Variants in CAST observed in about 807,000 individuals in gnomAD.
CAST encodes MIR583 host.
Under a neutral mutation model 119.6 loss-of-function variants are expected in CAST, and 76 were observed. That is an observed-to-expected ratio of 0.64 (90% CI 0.53 to 0.77). CAST has a LOEUF of 0.77. Among genes scored for constraint, CAST ranks in the 30% least tolerant of loss-of-function variants. The pLI is 0.00. For missense variants in CAST, 953 were observed against 946.5 expected, an observed-to-expected ratio of 1.01 and a Z score of -0.09; for synonymous variants, 319 against 331.6, an observed-to-expected ratio of 0.96 and a Z score of 0.41.
At chr5:96,610,386 G>A (rs116604594) in intron 1 of CAST, among the ~76,000 whole-genome samples, 2,706 of 152,184 alleles carry the variant, frequency 0.018, 104 homozygotes, top group African/African-American at 0.062. Flanking sequence ...AATAAATGTG[G>A]TTCACCACAC....
the CAST span, among the ~76,000 whole-genome samples, chr5:96,498,984 C>T: frequency 6.7e-6 from 1 of 149,986 alleles, no homozygotes; most frequent in East Asian, 1.9e-4. Flanking sequence ...TTCCCTTCTC[C>T]TTTACAGATG....
chr5:96,309,570 G>T, the CAST span, among the ~76,000 whole-genome samples: 1 of 152,200 alleles, frequency 6.6e-6, no homozygotes, highest in African/African-American at 2.4e-5. Flanking sequence ...TGAAACCCAG[G>T]GCCCTGGTGG....
At chr5:96,746,315 T>C (rs763439279) in intron 16 of CAST, 27 bp from the exon 17 acceptor site, 11 of 1,272,500 alleles carry the variant, frequency 8.6e-6, no homozygotes. Context: ...ATCCAACTAC[T>C]TTTTTTTTCC....
chr5:96,658,040 G>A (rs1168167548), upstream of CAST, among the ~76,000 whole-genome samples: 1 of 152,016 alleles, frequency 6.6e-6, no homozygotes, highest in African/African-American at 2.4e-5. Flanking sequence ...TGGAGGTTGC[G>A]GTGAGCCGAG....
At chr5:96,003,556 A>T in the CAST span, among the ~76,000 whole-genome samples, 2 of 151,904 alleles carry the variant, frequency 1.3e-5, no homozygotes, top group Admixed American at 6.6e-5. Flanking sequence ...AAAAAAAAAA[A>T]ATCAAATTTT....
At chr5:96,749,533 T>TTTTG (rs1250368556) in intron 19 of CAST, among the ~76,000 whole-genome samples, 2 of 152,116 alleles carry the variant, frequency 1.3e-5, no homozygotes, top group African/African-American at 2.4e-5. Flanking sequence ...CTTCTGTTCT[T>TTTTG]TTTGTTTGTT....
At chr5:96,309,072 C>T in the CAST span, among the ~76,000 whole-genome samples, 1 of 151,974 alleles carries the variant, frequency 6.6e-6, no homozygotes, top group South Asian at 2.1e-4. Context: ...CCCCTTCCCC[C>T]AGATGCTTTG....
chr5:96,090,696 T>G, the CAST span, among the ~76,000 whole-genome samples: 3 of 152,166 alleles, frequency 2.0e-5, no homozygotes, highest in African/African-American at 7.2e-5. Context: ...AAGAGGGTAT[T>G]TTTAAAATAA....
chr5:96,253,328 C>T, the CAST span, among the ~76,000 whole-genome samples: 1 of 152,050 alleles, frequency 6.6e-6, no homozygotes, highest in Non-Finnish European at 1.5e-5. Flanking sequence ...TTGGCACAAA[C>T]CTGGCACATA....
the CAST span, among the ~76,000 whole-genome samples, chr5:96,419,445 C>CCATATA: frequency 6.0e-5 from 9 of 149,530 alleles, no homozygotes; most frequent in African/African-American, 2.0e-4. Context: ...CCCTCTCTCT[C>CCATATA]TCTATATATA....
At chr5:96,703,800 C>T (rs1487877170) in intron 3 of CAST, among the ~76,000 whole-genome samples, 1 of 152,184 alleles carries the variant, frequency 6.6e-6, no homozygotes, top group Non-Finnish European at 1.5e-5. Context: ...AAAACCTCTG[C>T]ATTGCAGGGA....
the CAST span, among the ~76,000 whole-genome samples, chr5:96,339,234 A>G: frequency 1.3e-5 from 2 of 152,198 alleles, no homozygotes; most frequent in Non-Finnish European, 2.9e-5. Flanking sequence ...TACCAAGAAA[A>G]TATGTGACAC....
the CAST span, among the ~76,000 whole-genome samples, chr5:96,057,404 A>C: frequency 6.6e-6 from 1 of 152,194 alleles, no homozygotes; most frequent in Non-Finnish European, 1.5e-5. Flanking sequence ...CACAAATTCT[A>C]GTCCTTTTTG....
the CAST span, among the ~76,000 whole-genome samples, chr5:95,984,926 A>G: frequency 3.9e-5 from 6 of 152,002 alleles, no homozygotes; most frequent in Admixed American, 6.6e-5. Flanking sequence ...TAATGCTTTT[A>G]TATTGATTAT....
intron 1 of CAST, among the ~76,000 whole-genome samples, chr5:96,534,830 A>G (rs1325881216): frequency 3.4e-5 from 5 of 146,172 alleles, no homozygotes; most frequent in Middle Eastern, 6.8e-3. Flanking sequence ...GAAAAGAAAG[A>G]AGGAAAGAAG....
intron 20 of CAST, among the ~76,000 whole-genome samples, chr5:96,752,048 A>T (rs1765181635): frequency 6.6e-6 from 1 of 152,170 alleles, no homozygotes; most frequent in African/African-American, 2.4e-5. Context: ...AGGTCAGAGG[A>T]CTCAAGAAAG....
intron 1 of CAST, among the ~76,000 whole-genome samples, chr5:96,594,076 T>C (rs1747012228): frequency 6.6e-6 from 1 of 152,238 alleles, no homozygotes; most frequent in Admixed American, 6.5e-5. Context: ...GTAAGCATGT[T>C]ACATGTACTA....
the CAST span, among the ~76,000 whole-genome samples, chr5:96,489,507 C>T: frequency 2.0e-5 from 3 of 152,214 alleles, no homozygotes; most frequent in Admixed American, 6.5e-5. Flanking sequence ...CACAGACTTA[C>T]ATATGCTACA....
the CAST span, among the ~76,000 whole-genome samples, chr5:96,074,124 A>G: frequency 6.6e-6 from 1 of 152,190 alleles, no homozygotes; most frequent in East Asian, 1.9e-4. Context: ...ACCATGGAAG[A>G]GCTAACTGTT....
Sources: gnomAD v4.1 joint callset for allele counts (sites outside exome capture counted in the v4.1 genomes callset) on GRCh38, gnomAD v4.1.1 for gene constraint, MANE v1.5 for transcripts, NCBI Gene and HGNC (gene_info 2026-07-23, HGNC 2026-07-21) for gene names.